GRID2: variants seen among roughly 807,000 people sequenced by gnomAD.
The protein encoded by GRID2 is glutamate ionotropic receptor delta type subunit 2, also known as glutamate receptor ionotropic, delta-2.
In GRID2, 33 loss-of-function variants were observed where a neutral mutation model predicts 114.8. The ratio of observed to expected loss-of-function variants is 0.29; its 90% CI spans 0.22 to 0.38. The LOEUF is 0.38. GRID2 is among the 10% of genes least tolerant of loss of function. GRID2 has a pLI of 1.00. For missense variants in GRID2, 1,184 were observed against 1,257.7 expected (o/e 0.94, Z 0.89); for synonymous variants, 505 against 449.9 (o/e 1.12, Z -1.55).
In GRID2 at chr4:93,395,576, G is replaced by C. The variant is rs761250432; in HGVS notation, c.1246-31G>C. 6.9e-6 allele frequency: 7 copies of C among 1,021,552 alleles called. No homozygotes were observed. In the African/African-American group the frequency reaches 9.6e-5, roughly 14 times the overall value. 63.3% of individuals were successfully genotyped at this position (1,021,552 alleles called of 1,614,324 possible). A position where few individuals can be genotyped will look rare whatever the true frequency, so the allele number is the denominator to read the frequency against. ...AGGTGATGGGACTGTTCTTCAGGCA[G>C]AAAAATGACCAAAGTTGTCTTATCT... On this transcript the variant is annotated intron_variant, in intron 8 of 15. Transcript: ENST00000282020.
chr4:92,691,225 A>G (rs62310190), intron 2 of GRID2, among the ~76,000 whole-genome samples: 9,707 of 152,182 alleles, frequency 0.064, 398 homozygotes, highest in East Asian at 0.089. Flanking sequence ...TTTATTTTAT[A>G]TTTTATATCG....
intron 2 of GRID2, among the ~76,000 whole-genome samples, chr4:92,756,747 T>C (rs1254638161): frequency 6.6e-6 from 1 of 152,142 alleles, no homozygotes; most frequent in Admixed American, 6.6e-5. Context: ...CTGTTGGTGG[T>C]TTGCATGCCT....
intron 1 of GRID2, among the ~76,000 whole-genome samples, chr4:92,538,449 G>A (rs1395574166): frequency 6.6e-6 from 1 of 152,068 alleles, no homozygotes; most frequent in Non-Finnish European, 1.5e-5. Flanking sequence ...TTTATTAGTT[G>A]CTTGTAAGAA....
chr4:93,052,654 G>A (rs1451932363), intron 2 of GRID2, among the ~76,000 whole-genome samples: 1 of 151,806 alleles, frequency 6.6e-6, no homozygotes, highest in African/African-American at 2.4e-5. Flanking sequence ...AATGTCACTG[G>A]TTGAGATGTT....
chr4:93,780,252 G>T (rs1734452790), intron 1 of GRID2, among the ~76,000 whole-genome samples: 1 of 152,178 alleles, frequency 6.6e-6, no homozygotes, highest in Non-Finnish European at 1.5e-5. Flanking sequence ...GCTTTAAATG[G>T]ACTGAGGGAG....
chr4:92,649,050 A>AATATATATATAATTATAT (rs1731790053), intron 2 of GRID2, among the ~76,000 whole-genome samples: 1 of 476 alleles, frequency 2.1e-3, no homozygotes, highest in Non-Finnish European at 7.2e-3. Context: ...ATATATATAT[A>AATATATATATAATTATAT]ATATATATAT....
At chr4:92,372,138 C>A (rs1428561788) in intron 1 of GRID2, among the ~76,000 whole-genome samples, 1 of 151,980 alleles carries the variant, frequency 6.6e-6, no homozygotes, top group African/African-American at 2.4e-5. Flanking sequence ...AATGTCGTTT[C>A]TTTGGATGAG....
At chr4:93,146,546 A>G (rs1736277258) in intron 4 of GRID2, among the ~76,000 whole-genome samples, 1 of 152,056 alleles carries the variant, frequency 6.6e-6, no homozygotes, top group African/African-American at 2.4e-5. Context: ...GTGATAATGC[A>G]TCTGAAGAGT....
chr4:93,755,205 G>A (rs913802717), intron 14 of GRID2, among the ~76,000 whole-genome samples: 4 of 151,994 alleles, frequency 2.6e-5, no homozygotes, highest in Admixed American at 1.3e-4. Context: ...ATTTTCTTTC[G>A]AATAACTGCT....
chr4:92,565,710 G>C (rs1727304157), intron 1 of GRID2, among the ~76,000 whole-genome samples: 1 of 151,926 alleles, frequency 6.6e-6, no homozygotes, highest in African/African-American at 2.4e-5. Flanking sequence ...GTGTGCTAAA[G>C]AAAGGAAAGA....
chr4:93,236,859 C>T (rs1438933059), intron 7 of GRID2, among the ~76,000 whole-genome samples: 1 of 152,018 alleles, frequency 6.6e-6, no homozygotes, highest in African/African-American at 2.4e-5. Flanking sequence ...ATTAACAAAA[C>T]AAGATTATGC....
intron 2 of GRID2, among the ~76,000 whole-genome samples, chr4:92,931,519 G>A (rs1239121380): frequency 1.3e-5 from 2 of 150,470 alleles, no homozygotes; most frequent in Non-Finnish European, 3.0e-5. Flanking sequence ...CATAAATATT[G>A]GGATACATGA....
chr4:92,916,087 T>C (rs1748768604), intron 2 of GRID2, among the ~76,000 whole-genome samples: 1 of 152,168 alleles, frequency 6.6e-6, no homozygotes, highest in African/African-American at 2.4e-5. Flanking sequence ...ATCCCATTTG[T>C]CAATTTTAGC....
At chr4:93,448,664 T>A (rs1722323360) in intron 10 of GRID2, among the ~76,000 whole-genome samples, 1 of 151,980 alleles carries the variant, frequency 6.6e-6, no homozygotes, top group Non-Finnish European at 1.5e-5. Context: ...GAAATCATCA[T>A]GTTAAACAAC....
At chr4:92,918,856 C>A (rs1360378436) in intron 2 of GRID2, among the ~76,000 whole-genome samples, 1 of 152,152 alleles carries the variant, frequency 6.6e-6, no homozygotes, top group Non-Finnish European at 1.5e-5. Flanking sequence ...CAGGATGATG[C>A]TGGCCTCATA....
At chr4:92,318,177 T>A (rs954619915) in intron 1 of GRID2, among the ~76,000 whole-genome samples, 7 of 151,580 alleles carry the variant, frequency 4.6e-5, no homozygotes, top group African/African-American at 1.5e-4. Flanking sequence ...TAGCAATTAA[T>A]AGAGGGAAAA....
intron 2 of GRID2, among the ~76,000 whole-genome samples, chr4:92,787,136 T>C (rs1739358245): frequency 1.3e-5 from 2 of 151,926 alleles, no homozygotes; most frequent in African/African-American, 4.8e-5. Flanking sequence ...AGTCCATTTA[T>C]TTATTTAGAA....
intron 11 of GRID2, among the ~76,000 whole-genome samples, chr4:93,472,048 G>A (rs918868585): frequency 1.3e-5 from 2 of 151,404 alleles, no homozygotes; most frequent in Non-Finnish European, 2.9e-5. Flanking sequence ...ATTTTGGCCA[G>A]GCGCGGTGGC....
At chr4:93,068,465 T>C (rs1261960151) in intron 2 of GRID2, among the ~76,000 whole-genome samples, 1 of 152,066 alleles carries the variant, frequency 6.6e-6, no homozygotes, top group Non-Finnish European at 1.5e-5. Flanking sequence ...TTCTTTGCAA[T>C]TGGAACATCT....
Sources: allele counts gnomAD v4.1 joint callset (sites outside exome capture counted in the v4.1 genomes callset), GRCh38; gene constraint gnomAD v4.1.1; transcripts MANE v1.5; gene names NCBI Gene and HGNC (gene_info 2026-07-23, HGNC 2026-07-21).